PCDH9: variants seen among roughly 807,000 people sequenced by gnomAD.
PCDH9 encodes protocadherin-9.
PCDH9 carries 24 observed loss-of-function variants against 70.6 expected under a neutral mutation model. The ratio of observed to expected loss-of-function variants is 0.34; its 90% CI spans 0.25 to 0.48. The LOEUF (loss-of-function observed/expected upper bound fraction) is 0.48, where lower values mean the gene tolerates loss of function less well. PCDH9 is among the 20% of genes least tolerant of loss of function. The pLI is 0.99. For missense variants in PCDH9, 1,281 were observed against 1,503.6 expected (o/e 0.85, Z 2.45); for synonymous variants, 562 against 558.5 (o/e 1.01, Z -0.09).
intron 3 of PCDH9, among the ~76,000 whole-genome samples, chr13:66,769,549 A>T (rs1374388389): frequency 6.6e-6 from 1 of 151,912 alleles, no homozygotes; most frequent in Non-Finnish European, 1.5e-5. Context: ...GTGTGGTTAC[A>T]ATTCTATCAA....
chr13:67,176,360 C>A (rs1049828637), intron 2 of PCDH9, among the ~76,000 whole-genome samples: 3 of 152,114 alleles, frequency 2.0e-5, no homozygotes, highest in Non-Finnish European at 2.9e-5. Flanking sequence ...ACCAGATGAT[C>A]TGCCTGGGTC....
chr13:66,662,675 C>A (rs193187647), intron 3 of PCDH9, among the ~76,000 whole-genome samples: 1 of 151,880 alleles, frequency 6.6e-6, no homozygotes, highest in African/African-American at 2.4e-5. Flanking sequence ...AATGGATGGG[C>A]GAATGAAGAA....
chr13:67,072,586 G>T (rs929602463), intron 2 of PCDH9, among the ~76,000 whole-genome samples: 3 of 152,098 alleles, frequency 2.0e-5, no homozygotes, highest in African/African-American at 7.2e-5. Context: ...TGAACCTTGT[G>T]ATGGGTGAGA....
intron 3 of PCDH9, among the ~76,000 whole-genome samples, chr13:66,817,145 G>A (rs1312144141): frequency 6.6e-6 from 1 of 152,076 alleles, no homozygotes; most frequent in African/African-American, 2.4e-5. Flanking sequence ...ATGTGTAAGA[G>A]TTATATTCAA....
intron 4 of PCDH9, among the ~76,000 whole-genome samples, chr13:66,472,040 G>A (rs1180329583): frequency 2.6e-5 from 4 of 151,566 alleles, no homozygotes; most frequent in South Asian, 2.1e-4. Flanking sequence ...GTGAAACCCC[G>A]TCTCTACTAA....
At chr13:66,621,231 T>C (rs7982896) in intron 4 of PCDH9, among the ~76,000 whole-genome samples, 129,661 of 152,088 alleles carry the variant, frequency 0.85, 55,990 homozygotes, top group Admixed American at 0.92. Flanking sequence ...ATCACTCTGA[T>C]GGTTATGTTA....
intron 4 of PCDH9, among the ~76,000 whole-genome samples, chr13:66,348,345 G>A (rs1956242162): frequency 6.6e-6 from 1 of 151,654 alleles, no homozygotes; most frequent in Non-Finnish European, 1.5e-5. Context: ...TTCAATAACT[G>A]CCCCATGTCA....
At chr13:66,375,130 T>C (rs989756081) in intron 4 of PCDH9, among the ~76,000 whole-genome samples, 5 of 152,144 alleles carry the variant, frequency 3.3e-5, no homozygotes, top group African/African-American at 1.2e-4. Flanking sequence ...GCCAATAGTA[T>C]AGTTACTTTA....
chr13:66,389,007 T>C (rs1956975546), intron 4 of PCDH9, among the ~76,000 whole-genome samples: 1 of 152,190 alleles, frequency 6.6e-6, no homozygotes, highest in Non-Finnish European at 1.5e-5. Flanking sequence ...AGATTGTGTG[T>C]CCAATCTCAT....
intron 4 of PCDH9, among the ~76,000 whole-genome samples, chr13:66,338,503 G>C (rs972409279): frequency 6.6e-6 from 1 of 151,892 alleles, no homozygotes; most frequent in Non-Finnish European, 1.5e-5. Flanking sequence ...TTAATATTTG[G>C]TTTCATAATG....
At chr13:67,112,646 T>C (rs1467785046) in intron 2 of PCDH9, among the ~76,000 whole-genome samples, 10 of 149,452 alleles carry the variant, frequency 6.7e-5, no homozygotes, top group African/African-American at 2.3e-4. Flanking sequence ...TCTCTTTCTC[T>C]CTCCCTCCCT....
chr13:66,934,034 C>A lies in PCDH9; in HGVS notation c.3037-30429G>T, dbSNP rs1201959591. On this transcript the variant is annotated intron_variant, in intron 2 of 4. Transcript: ENST00000377865. ...TGTCGGCATTTATATAAATACAAAT[C>A]ATGCTGACAAATACACTCATCACAC... Among the ~76,000 whole-genome samples, 5 of 152,122 alleles carry A rather than the reference C, an allele frequency of 3.3e-5. No individual in the cohort carries two copies. In the South Asian group the frequency reaches 1.0e-3, roughly 32 times the overall value.
intron 4 of PCDH9, among the ~76,000 whole-genome samples, chr13:66,411,799 C>G (rs1003158705): frequency 3.9e-5 from 6 of 152,092 alleles, no homozygotes; most frequent in African/African-American, 1.4e-4. Flanking sequence ...TAAAGTCAAC[C>G]TCACCTGAAG....
At chr13:66,706,318 G>A (rs918151786) in intron 3 of PCDH9, among the ~76,000 whole-genome samples, 1 of 152,178 alleles carries the variant, frequency 6.6e-6, no homozygotes, top group African/African-American at 2.4e-5. Flanking sequence ...GCAAAATTCA[G>A]TCAGCCTGAC....
intron 2 of PCDH9, among the ~76,000 whole-genome samples, chr13:67,000,830 G>GT (rs1168409225): frequency 6.6e-6 from 1 of 152,140 alleles, no homozygotes; most frequent in African/African-American, 2.4e-5. Context: ...TTTAAATAGT[G>GT]TAAAGCTAAG....
At chr13:67,043,799 C>T (rs1047937527) in intron 2 of PCDH9, among the ~76,000 whole-genome samples, 2 of 152,114 alleles carry the variant, frequency 1.3e-5, no homozygotes, top group African/African-American at 4.8e-5. Context: ...CATAGGATGG[C>T]TTCCAGTACA....
chr13:66,574,026 G>A (rs1219201988), intron 4 of PCDH9, among the ~76,000 whole-genome samples: 2 of 152,026 alleles, frequency 1.3e-5, no homozygotes, highest in Non-Finnish European at 2.9e-5. Flanking sequence ...CATTTTGGAC[G>A]AAATCACCTA....
chr13:67,189,976 CAAA>C (rs2088866246), intron 2 of PCDH9, among the ~76,000 whole-genome samples: 1 of 151,806 alleles, frequency 6.6e-6, no homozygotes, highest in South Asian at 2.1e-4. Flanking sequence ...AAAAATAATA[CAAA>C]ATTAGTCTAC....
At chr13:67,165,762 T>C (rs946307131) in intron 2 of PCDH9, among the ~76,000 whole-genome samples, 2 of 152,196 alleles carry the variant, frequency 1.3e-5, no homozygotes, top group African/African-American at 4.8e-5. Flanking sequence ...GAGTTAATTA[T>C]CTTATTTTAA....
Sources: allele counts gnomAD v4.1 joint callset (sites outside exome capture counted in the v4.1 genomes callset), GRCh38; gene constraint gnomAD v4.1.1; transcripts MANE v1.5; gene names NCBI Gene and HGNC (gene_info 2026-07-23, HGNC 2026-07-21).